Variants in SON observed in about 807,000 individuals in gnomAD.
The protein encoded by SON is protein SON.
Under a neutral mutation model 173.3 loss-of-function variants are expected in SON, and 4 were observed. The observed-to-expected ratio is 0.02, with a 90% confidence interval of 0.01 to 0.05. The LOEUF is 0.05. SON is among the 10% of genes least tolerant of loss of function. The pLI, the probability that SON is intolerant of heterozygous loss-of-function variation, is 1.00. For synonymous variants in SON, 1,190 were observed against 1,105.9 expected, an observed-to-expected ratio of 1.08 and a Z score of -1.51; for missense variants, 2,626 against 3,055.3, an observed-to-expected ratio of 0.86 and a Z score of 3.31.
At position 33,555,399 on chromosome 21, in the gene SON, A is replaced by T. The variant is rs937944586; in HGVS notation, c.6160+8A>T. ...AACGTCTGACAGATTTGGGTGAGTC[A>T]TTTTAAAGTTTAATGGGATGGTAGT... On this transcript the variant is annotated splice_region_variant and intron_variant, in intron 3 of 11. Transcript: ENST00000356577. 1.3e-6 allele frequency: 2 copies of T among 1,502,412 alleles called. No individual in the cohort carries two copies. 93.1% of individuals were successfully genotyped at this position (1,502,412 alleles called of 1,614,324 possible).
At position 33,577,105 on chromosome 21, in the gene SON, C is replaced by G. The variant is rs1432719245; in HGVS notation, c.*681C>G. 6.5e-6 allele frequency: 1 copy of G among 154,726 alleles called. No individual in the cohort carries two copies. Among genetic ancestry groups the G allele is most frequent in the Admixed American group, 6.3e-5 (1 of 15,902 alleles). 9.6% of individuals were successfully genotyped at this position (154,726 alleles called of 1,614,324 possible). On this transcript the variant is annotated 3_prime_UTR_variant, in exon 12 of 12. Transcript: ENST00000356577. ...GTGGTATGTTGTGTGATGATCAGCA[C>G]TAAGTCCTGCATTCCTGTTAAAGCC...
At position 33,551,302 on chromosome 21, in the gene SON, C is replaced by T; in HGVS notation, c.2071C>T (p.Leu691=). 6.2e-7 allele frequency: 1 copy of T among 1,614,128 alleles called. No individual in the cohort carries two copies. The highest frequency in any genetic ancestry group is 8.5e-7 in the Non-Finnish European group (1 of 1,179,996). ...LESYNTVAQE[L]PTTLVGETSV... ...ATCCTATAATACGGTAGCACAGGAG[C>T]TGCCTACTACATTAGTGGGGGAGAC... The change falls in exon 3 of 12, where the codon CTG becomes TTG. Residue 691 remains leucine, a synonymous_variant. Coordinates refer to ENST00000356577, the MANE Select transcript of SON (RefSeq NM_138927.4).
Position 33,550,729 on chromosome 21 carries a change from G to A in SON, c.1498G>A (p.Ala500Thr). 6.2e-7 allele frequency: 1 copy of A among 1,614,166 alleles called. No homozygotes were observed. The highest frequency in any genetic ancestry group is 8.5e-7 in the Non-Finnish European group (1 of 1,180,012). Residue 500 changes from alanine to threonine, a missense_variant, in exon 3 of 12, where the codon GCA becomes ACA. Physicochemically the swap from Ala to Thr is moderately conservative, Grantham distance 58 (BLOSUM62 0). Transcript: ENST00000356577. ...GCCAGAGCAGCCTGCGGTAACAGTA[G>A]CAATGGAGTTGACCGAACAACCTGT... ...ELPEQPAVTV[A>T]MELTEQPVTT...
chr21:33,546,113 T>A (rs1050707255), intron 1 of SON, 100 bp from the exon 2 acceptor site: 7 of 948,752 alleles, frequency 7.4e-6, no homozygotes, highest in Non-Finnish European at 1.1e-5. Flanking sequence ...AGGTAAAACA[T>A]CTGACAGTCA....
chr21:33,569,563 C>A, intron 8 of SON: 1 of 438,848 alleles, frequency 2.3e-6, no homozygotes, highest in Non-Finnish European at 4.7e-6. Flanking sequence ...TCGCACCCCA[C>A]CCGCTTCATT....
intron 1 of SON, 61 bp downstream of exon 1, chr21:33,543,230 T>C: frequency 7.0e-7 from 1 of 1,421,098 alleles, no homozygotes; most frequent in South Asian, 1.1e-5. Context: ...CTAGCCTTCT[T>C]TGGCACCTTT....
At chr21:33,562,196 G>T (rs1281560262) in intron 6 of SON, among the ~76,000 whole-genome samples, 1 of 152,152 alleles carries the variant, frequency 6.6e-6, no homozygotes, top group Non-Finnish European at 1.5e-5. Flanking sequence ...GAAGGTAAAA[G>T]TAATGAATTT....
rs1290782677 is a variant in SON at position 33,550,549 on chromosome 21, G to T, written c.1318G>T (p.Gly440Trp). Residue 440 changes from glycine to tryptophan, a missense_variant, in exon 3 of 12, where the codon GGG (glycine) becomes TGG (tryptophan). This residue lies in a region of SON where 757 missense variants were observed against 730.1 expected (regional missense o/e 1.04). Coordinates refer to ENST00000356577, the MANE Select transcript of SON (RefSeq NM_138927.4). ...PPATAVPELP[G>W]PSVTPVPQLS... ...TGCGACAGCAGTGCCTGAGTTGCCA[G>T]GGCCCTCTGTGACACCAGTGCCACA... 1 of 1,613,758 alleles carries T rather than the reference G, an allele frequency of 6.2e-7. No homozygotes were observed.
chr21:33,557,670 C>T (rs760737182), intron 4 of SON: 28 of 1,512,252 alleles, frequency 1.9e-5, no homozygotes, highest in Middle Eastern at 4.0e-4. Context: ...CTGATCGCCA[C>T]GAGTATACTG....
chr21:33,561,271 A>T (rs1249794132), intron 6 of SON, among the ~76,000 whole-genome samples: 5 of 152,204 alleles, frequency 3.3e-5, no homozygotes, highest in Admixed American at 6.5e-5. Context: ...TCCCCCAATC[A>T]GGCTACCTGC....
chr21:33,552,869 C>T lies in SON; in HGVS notation c.3638C>T (p.Pro1213Leu), dbSNP rs372461298. ...PSEESVSQPE[P>L]PVSQSEISEP... Reference sequence around the variant, plus strand: ...GAAGAGTCTGTATCGCAGCCTGAGCCTCCTGTGAGTCAAAGTGAGATTTCG... The same window carrying T: ...GAAGAGTCTGTATCGCAGCCTGAGCTTCCTGTGAGTCAAAGTGAGATTTCG... Residue 1213 changes from proline (P) to leucine (L), a missense_variant, in exon 3 of 12, where the codon CCT becomes CTT. Physicochemically the swap from Pro to Leu is moderately conservative, Grantham distance 98. Around this residue, in one of 13 missense-constraint regions of SON, gnomAD observed 1,006 missense variants for 895.6 expected, o/e 1.12. Transcript: ENST00000356577. This position sits in a 1 kb window ranked among gnomAD's most constrained non-coding sequence, Gnocchi z 5.6. 5.0e-6 allele frequency: 8 copies of T among 1,614,162 alleles called. No individual in the cohort carries two copies. The East Asian group carries it at 1.1e-4, about 22-fold the overall frequency.
chr21:33,549,740 C>G lies in SON; in HGVS notation c.509C>G (p.Pro170Arg), dbSNP rs2085711530. ...SEPSAVALEL[P>R]TRAFGPSETN... ...CCTTCAGCTGTGGCGCTGGAGCTTCCTACAAGAGCATTTGGCCCATCTGAG... is the reference window on the plus strand; with the variant it reads ...CCTTCAGCTGTGGCGCTGGAGCTTCGTACAAGAGCATTTGGCCCATCTGAG... Residue 170 changes from proline to arginine, a missense_variant, in exon 3 of 12, where the codon CCT becomes CGT. Pro to Arg is a moderately radical substitution (Grantham distance 103). Coordinates refer to ENST00000356577, the MANE Select transcript of SON (RefSeq NM_138927.4). 1.2e-6 allele frequency: 2 copies of G among 1,613,972 alleles called. No homozygotes were observed. Among genetic ancestry groups the G allele is most frequent in the Non-Finnish European group, 1.7e-6 (2 of 1,180,004 alleles).
At position 33,550,720 on chromosome 21, in the gene SON, G is replaced by T; in HGVS notation, c.1489G>T (p.Val497Leu). The T allele has an allele frequency of 6.2e-7, 1 of 1,614,164 alleles. No homozygotes were observed. Among genetic ancestry groups the T allele is most frequent in the Non-Finnish European group, 8.5e-7 (1 of 1,180,014 alleles). ...AAVELPEQPA[V>L]TVAMELTEQP... ...AGTAGAGTTGCCAGAGCAGCCTGCGGTAACAGTAGCAATGGAGTTGACCGA... is the reference window on the plus strand; with the variant it reads ...AGTAGAGTTGCCAGAGCAGCCTGCGTTAACAGTAGCAATGGAGTTGACCGA... Residue 497 changes from valine (V) to leucine (L), a missense_variant, in exon 3 of 12, where the codon GTA becomes TTA. Val to Leu is a conservative substitution (Grantham distance 32, BLOSUM62 1). This residue lies in a region of SON where 757 missense variants were observed against 730.1 expected (regional missense o/e 1.04). Coordinates refer to ENST00000356577, the MANE Select transcript of SON (RefSeq NM_138927.4).
Position 33,551,258 on chromosome 21 carries a change from C to A in SON, c.2027C>A (p.Pro676His). The A allele has an allele frequency of 6.2e-7, 1 of 1,613,958 alleles. No individual in the cohort carries two copies. The highest frequency in any genetic ancestry group is 1.1e-5 in the South Asian group (1 of 91,076). Reference protein sequence around the residue: ...TMTVSQSLEVPSTTALESYNT... With the variant: ...TMTVSQSLEVHSTTALESYNT... The stretch of plus-strand genomic sequence containing the variant: ...ACCGTGTCGCAGTCCCTGGAGGTGC[C>A]CTCGACGACAGCGCTGGAATCCTAT... Residue 676 changes from proline to histidine, a missense_variant, in exon 3 of 12, where the codon CCC becomes CAC. Pro to His is a moderately conservative substitution (Grantham distance 77). This residue lies in a region of SON where 182 missense variants were observed against 193.6 expected (regional missense o/e 0.94). Transcript: ENST00000356577.
Position 33,554,701 on chromosome 21 carries a change from T to C in SON, c.5470T>C (p.Ser1824Pro), listed in dbSNP as rs762633766. 8 of 1,613,876 alleles carry C rather than the reference T, an allele frequency of 5.0e-6. No individual in the cohort carries two copies. The East Asian group carries it at 1.6e-4, about 31-fold the overall frequency. The stretch of plus-strand genomic sequence containing the variant: ...GAAGAAAAGAGACTCTTCATTAAGA[T>C]CTCGAAGTAAGCGTTCCAAATCTTC... ...KEKKRDSSLR[S>P]RSKRSKSSEH... Residue 1824 changes from serine (S) to proline (P), a missense_variant, in exon 3 of 12, where the codon TCT becomes CCT. This residue lies in a region of SON where 1,006 missense variants were observed against 895.6 expected (regional missense o/e 1.12). Transcript: ENST00000356577.
At chr21:33,562,320 A>G (rs2086084881) in intron 6 of SON, among the ~76,000 whole-genome samples, 1 of 152,234 alleles carries the variant, frequency 6.6e-6, no homozygotes, top group Non-Finnish European at 1.5e-5. Flanking sequence ...AAAGGCTTCT[A>G]GAGTAAAAGG....
At chr21:33,569,559 C>A in intron 8 of SON, 1 of 422,576 alleles carries the variant, frequency 2.4e-6, no homozygotes, top group Non-Finnish European at 4.9e-6. Flanking sequence ...GCCCTCGCAC[C>A]CCACCCGCTT....
chr21:33,550,004 A>G lies in SON; in HGVS notation c.773A>G (p.Lys258Arg), dbSNP rs924496712. ...APVPTTTLVL[K>R]SSEPVVTMSV... Reference sequence around the variant, plus strand: ...GTGCCTACTACAACACTGGTGTTGAAGTCATCTGAGCCAGTTGTAACAATG... The same window carrying G: ...GTGCCTACTACAACACTGGTGTTGAGGTCATCTGAGCCAGTTGTAACAATG... Residue 258 changes from lysine (K) to arginine (R), a missense_variant, in exon 3 of 12, where the codon AAG (lysine) becomes AGG (arginine). Around this residue, in one of 13 missense-constraint regions of SON, gnomAD observed 757 missense variants for 730.1 expected, o/e 1.04. Transcript: ENST00000356577. The G allele has an allele frequency of 1.9e-6, 3 of 1,614,058 alleles. No homozygotes were observed. The African/African-American group carries it at 4.0e-5, about 22-fold the overall frequency.
intron 9 of SON, 108 bp downstream of exon 9, chr21:33,573,563 A>G (rs2086334036): frequency 4.3e-6 from 4 of 935,150 alleles, no homozygotes; most frequent in South Asian, 4.4e-5. Flanking sequence ...TTGTATATAT[A>G]CAGGTATTTG....
Sources: gnomAD v4.1 joint callset for allele counts (sites outside exome capture counted in the v4.1 genomes callset) on GRCh38, gnomAD v4.1.1 for gene constraint, gnomAD v4.1.1 regional missense constraint, Gnocchi (gnomAD v3.1) non-coding constraint, MANE v1.5 for transcripts, NCBI Gene and HGNC (gene_info 2026-07-23, HGNC 2026-07-21) for gene names.